Variants in BPIFB4 observed in about 807,000 individuals in gnomAD.
BPIFB4 encodes the protein BPI fold-containing family B member 4.
Under a neutral mutation model 69.2 loss-of-function variants are expected in BPIFB4, and 62 were observed. That is an observed-to-expected ratio of 0.90 (90% CI 0.73 to 1.11). The LOEUF is 1.11. Ranked by LOEUF, BPIFB4 falls within the 50% of genes least tolerant of loss-of-function variation. The pLI is 0.00. For missense variants in BPIFB4, 789 were observed against 792.0 expected (o/e 1.00, Z 0.04); for synonymous variants, 330 against 332.7 (o/e 0.99, Z 0.09).
At chr20:33,099,135 T>A (rs997617342) in intron 13 of BPIFB4, among the ~76,000 whole-genome samples, 1 of 152,094 alleles carries the variant, frequency 6.6e-6, no homozygotes, top group African/African-American at 2.4e-5. Flanking sequence ...TCTCCCTCCA[T>A]GATTAAGGCT....
chr20:33,110,037 A>G (rs1982191768), intron 17 of BPIFB4, among the ~76,000 whole-genome samples: 2 of 152,188 alleles, frequency 1.3e-5, no homozygotes, highest in Admixed American at 1.3e-4. Flanking sequence ...AGCATCTTAC[A>G]TAAACAGAGT....
chr20:33,092,415 A>G (rs775251912), intron 10 of BPIFB4, 43 bp from the exon 11 acceptor site: 2 of 1,551,852 alleles, frequency 1.3e-6, no homozygotes, highest in South Asian at 2.3e-5. Flanking sequence ...CCTTCTTTCC[A>G]TCTTCTCCCT....
Position 33,083,871 on chromosome 20 carries a change from C to G in BPIFB4, c.674C>G (p.Thr225Arg). 1 of 1,603,820 alleles carries G rather than the reference C, an allele frequency of 6.2e-7. No individual in the cohort carries two copies. ...GGILSTVQGITGLRIVELTLP... is the reference protein window; with the variant it reads ...GGILSTVQGIRGLRIVELTLP... ...ATCCTCAGCACTGTGCAAGGCATCACGGGGTAAGGAGGGGACGGGTTCTCC... is the reference window on the plus strand; with the variant it reads ...ATCCTCAGCACTGTGCAAGGCATCAGGGGGTAAGGAGGGGACGGGTTCTCC... The change falls in exon 5 of 18, where the codon ACG (threonine) becomes AGG (arginine). Residue 225 changes from threonine (T) to arginine (R), a missense_variant. Transcript: ENST00000375483.
intron 1 of BPIFB4, 99 bp downstream of exon 1, chr20:33,079,802 A>T (rs1981175214): frequency 6.6e-6 from 1 of 152,262 alleles, no homozygotes; most frequent in Non-Finnish European, 1.5e-5. Flanking sequence ...ATCCATCAGG[A>T]TGGCCCCTCT....
At position 33,086,070 on chromosome 20, in the gene BPIFB4, G is replaced by T. The variant is rs866143866; in HGVS notation, c.832G>T (p.Val278Phe). Residue 278 changes from valine (V) to phenylalanine (F), a missense_variant, in exon 7 of 18, where the codon GTC becomes TTC. By Grantham distance (50) the Val-to-Phe change is conservative. This residue lies in a region of BPIFB4 where 611 missense variants were observed against 575.4 expected (regional missense o/e 1.06). Coordinates refer to ENST00000375483, the MANE Select transcript of BPIFB4 (RefSeq NM_182519.3). ...IAVEVNITAK[V>F]RLTMDRTGYP... Reference sequence around the variant, plus strand: ...AGTAGAAGTGAACATCACAGCCAAGGTCCGGCTGACCATGGACCGCACGGG... The same window carrying T: ...AGTAGAAGTGAACATCACAGCCAAGTTCCGGCTGACCATGGACCGCACGGG... 6.2e-7 allele frequency: 1 copy of T among 1,613,346 alleles called. No individual in the cohort carries two copies. The highest frequency in any genetic ancestry group is 8.5e-7 in the Non-Finnish European group (1 of 1,179,338).
rs78473426 is a variant in BPIFB4, at chr20:33,107,870, A to T, written c.1821+50A>T. 4.5e-3 allele frequency: 6,795 copies of T among 1,512,962 alleles called. 23 individuals carry two copies. Among genetic ancestry groups the T allele is most frequent in the Non-Finnish European group, 5.7e-3 (6,184 of 1,089,158 alleles). The allele number at this position is 1,512,962 out of a possible 1,614,324, so 93.7% of individuals were successfully genotyped here. On this transcript the variant is annotated intron_variant, in intron 17 of 17. Transcript: ENST00000375483. ...TGCTTTTCCTCCCTGCCCTTTGCTC[A>T]TCACCTTTGACCACTGCATTCAGGC...
At chr20:33,111,289 A>G in intron 17 of BPIFB4, 125 bp from the exon 18 acceptor site, 1 of 1,281,084 alleles carries the variant, frequency 7.8e-7, no homozygotes, top group South Asian at 1.3e-5. Context: ...TGACCCCTTT[A>G]TCTCCGCTGT....
chr20:33,086,422 C>T (rs528588036), intron 7 of BPIFB4, among the ~76,000 whole-genome samples: 6 of 152,294 alleles, frequency 3.9e-5, no homozygotes, highest in Admixed American at 6.5e-5. Context: ...ATGTCATTTG[C>T]GACACACATT....
At position 33,092,678 on chromosome 20, in the gene BPIFB4, G is replaced by A. The variant is rs370950133; in HGVS notation, c.1344+20G>A. ...GGCATGGTGAGTCACAGCCCCACCA[G>A]GGGGAGGTGGCTGGGCAGCAGACAG... On this transcript the variant is annotated intron_variant, in intron 11 of 17. Transcript: ENST00000375483. 1 of 1,593,614 alleles carries A rather than the reference G, an allele frequency of 6.3e-7. No individual in the cohort carries two copies. The highest frequency in any genetic ancestry group is 2.2e-5 in the East Asian group (1 of 44,750).
intron 15 of BPIFB4, among the ~76,000 whole-genome samples, chr20:33,103,328 TG>T (rs5841129): frequency 0.036 from 5,466 of 152,268 alleles, 170 homozygotes; most frequent in African/African-American, 0.086. Flanking sequence ...GGAGGCACAG[TG>T]GGCAGCCTTG....
intron 11 of BPIFB4, among the ~76,000 whole-genome samples, chr20:33,093,948 G>C (rs1235171062): frequency 1.3e-5 from 2 of 151,864 alleles, no homozygotes; most frequent in African/African-American, 4.8e-5. Context: ...CTGTCTCTCT[G>C]TCTGTCTCCC....
At position 33,092,532 on chromosome 20, in the gene BPIFB4, G is replaced by C. The variant is rs893368999; in HGVS notation, c.1218G>C (p.Met406Ile). The change falls in exon 11 of 18, where the codon ATG (methionine) becomes ATC (isoleucine). Residue 406 changes from methionine to isoleucine, a missense_variant. Around this residue, in one of 3 missense-constraint regions of BPIFB4, gnomAD observed 611 missense variants for 575.4 expected, o/e 1.06. Transcript: ENST00000375483. ...GGCCAGCTGTGTCTCCCAAGCCGATGCCAGAGCTGCCTCCCATGGGTGACA... is the reference window on the plus strand; with the variant it reads ...GGCCAGCTGTGTCTCCCAAGCCGATCCCAGAGCTGCCTCCCATGGGTGACA... ...LGWPAVSPKP[M>I]PELPPMGDNT... 1.2e-6 allele frequency: 2 copies of C among 1,614,020 alleles called. No individual in the cohort carries two copies. Among genetic ancestry groups the C allele is most frequent in the Admixed American group, 1.7e-5 (1 of 60,014 alleles).
intron 17 of BPIFB4, among the ~76,000 whole-genome samples, chr20:33,110,731 C>T (rs1433527677): frequency 7.1e-6 from 1 of 141,558 alleles, no homozygotes; most frequent in Non-Finnish European, 1.5e-5. Context: ...TTATTTATTT[C>T]TGTCGATAGA....
At position 33,097,730 on chromosome 20, in the gene BPIFB4, C is replaced by T. The variant is rs769959794; in HGVS notation, c.1512C>T (p.Ala504=). Residue 504 remains alanine, a synonymous_variant, in exon 13 of 18, where the codon GCC becomes GCT. Transcript: ENST00000375483. ...CGCTGGTGAAGGTGTTGGCCACTGCCGAGGTCATGGTCTCCCAGCCCAAAG... is the reference window on the plus strand; with the variant it reads ...CGCTGGTGAAGGTGTTGGCCACTGCTGAGGTCATGGTCTCCCAGCCCAAAG... The part of the protein sequence containing the change: ...DKALVKVLAT[A]EVMVSQPKDL... 61 of 1,614,036 alleles carry T rather than the reference C, an allele frequency of 3.8e-5. No homozygotes were observed. The highest frequency in any genetic ancestry group is 2.7e-4 in the Admixed American group (16 of 59,994).
Position 33,100,411 on chromosome 20 carries a change from T to C in BPIFB4, c.1570-15T>C. The C allele has an allele frequency of 1.3e-6, 2 of 1,580,814 alleles. No individual in the cohort carries two copies. Among genetic ancestry groups the C allele is most frequent in the Non-Finnish European group, 1.7e-6 (2 of 1,150,192 alleles). On this transcript the variant is annotated splice_polypyrimidine_tract_variant and intron_variant, in intron 13 of 17. Transcript: ENST00000375483. ...ATGAAGGCAGTGACGTCTTTCTCCT[T>C]TCCTTTCCCTCCAGGACACAGAATT... is the stretch of plus-strand genomic sequence containing the variant.
chr20:33,088,879 C>A, intron 7 of BPIFB4, 87 bp from the exon 8 acceptor site: 1 of 1,598,720 alleles, frequency 6.3e-7, no homozygotes, highest in Non-Finnish European at 8.5e-7. Flanking sequence ...CTGTTCAGAG[C>A]CTGGACTAGT....
chr20:33,094,223 A>C (rs928050012), intron 11 of BPIFB4, among the ~76,000 whole-genome samples: 2 of 152,224 alleles, frequency 1.3e-5, no homozygotes, highest in Non-Finnish European at 2.9e-5. Context: ...AGCTCTCCAC[A>C]GACAATGATA....
chr20:33,088,131 T>C (rs1472924017), intron 7 of BPIFB4, among the ~76,000 whole-genome samples: 1 of 152,036 alleles, frequency 6.6e-6, no homozygotes. Context: ...TGTCTGCCCA[T>C]CTATACATCT....
rs1255383508 is a variant in BPIFB4, at chr20:33,092,578, A to T, written c.1264A>T (p.Met422Leu). Residue 422 changes from methionine to leucine, a missense_variant, in exon 11 of 18, where the codon ATG becomes TTG. Coordinates refer to ENST00000375483, the MANE Select transcript of BPIFB4 (RefSeq NM_182519.3). ...MGDNTKSQLA[M>L]SANFLGSVLT... Reference sequence around the variant, plus strand: ...TGACAACACCAAGTCCCAGCTGGCCATGTCTGCCAACTTCCTGGGCTCAGT... The same window carrying T: ...TGACAACACCAAGTCCCAGCTGGCCTTGTCTGCCAACTTCCTGGGCTCAGT... The T allele has an allele frequency of 6.2e-7, 1 of 1,614,056 alleles. No individual in the cohort carries two copies. The highest frequency in any genetic ancestry group is 2.2e-5 in the East Asian group (1 of 44,888).
Sources: gnomAD v4.1 joint callset for allele counts (sites outside exome capture counted in the v4.1 genomes callset) on GRCh38, gnomAD v4.1.1 for gene constraint, gnomAD v4.1.1 regional missense constraint, MANE v1.5 for transcripts, NCBI Gene and HGNC (gene_info 2026-07-23, HGNC 2026-07-21) for gene names.